The following MYO1D variants were observed in gnomAD, a reference collection of about 807,000 sequenced individuals.
MYO1D encodes the protein unconventional myosin-Id.
MYO1D carries 83 observed loss-of-function variants against 122.0 expected under a neutral mutation model. That is an observed-to-expected ratio of 0.68 (90% CI 0.57 to 0.82). The LOEUF (loss-of-function observed/expected upper bound fraction) is 0.82. MYO1D is among the 40% of genes least tolerant of loss of function. The pLI, the probability that MYO1D is intolerant of heterozygous loss-of-function variation, is 0.00. For missense variants in MYO1D, 1,157 were observed against 1,269.5 expected (o/e 0.91, Z 1.35); for synonymous variants, 464 against 446.9 (o/e 1.04, Z -0.48).
intron 16 of MYO1D, among the ~76,000 whole-genome samples, chr17:32,676,886 C>A (rs2088818391): frequency 2.0e-5 from 3 of 151,846 alleles, no homozygotes; most frequent in Admixed American, 6.6e-5. Flanking sequence ...TCTTGGCTCA[C>A]TGCAAGCTCC....
chr17:32,847,943 C>A (rs796614460), intron 1 of MYO1D, among the ~76,000 whole-genome samples: 1 of 152,298 alleles, frequency 6.6e-6, no homozygotes, highest in African/African-American at 2.4e-5. Context: ...AAAATTAATT[C>A]ACTGCTGAAA....
At chr17:32,681,567 T>C (rs997429727) in intron 16 of MYO1D, among the ~76,000 whole-genome samples, 162 of 152,036 alleles carry the variant, frequency 1.1e-3, no homozygotes, top group African/African-American at 3.8e-3. Flanking sequence ...CGGCTTTGAG[T>C]GGGATTCTTA....
rs376528136 is a variant in MYO1D at position 32,623,187 on chromosome 17, T to C, written c.2709+15535A>G. 3.3e-5 allele frequency among the ~76,000 whole-genome samples: 5 copies of C among 152,324 alleles called. No homozygotes were observed. In the East Asian group the frequency reaches 5.8e-4, roughly 18 times the overall value. ...CAACTTTACTTGTTCCCACTAGATATACCTCTAACCATGGCACACTGTAAA... is the reference window on the plus strand; with the variant it reads ...CAACTTTACTTGTTCCCACTAGATACACCTCTAACCATGGCACACTGTAAA... On this transcript the variant is annotated intron_variant, in intron 20 of 21. Coordinates refer to ENST00000318217, the MANE Select transcript of MYO1D (RefSeq NM_015194.3).
chr17:32,721,277 CAAGTT>C (rs2089507758), intron 14 of MYO1D, 88 bp from the exon 15 acceptor site: 2 of 1,251,122 alleles, frequency 1.6e-6, no homozygotes, highest in South Asian at 2.7e-5. Flanking sequence ...TTAATTGTGT[CAAGTT>C]AAGCTCAGTG....
intron 7 of MYO1D, 124 bp from the exon 8 acceptor site, chr17:32,765,205 A>C: frequency 2.9e-6 from 2 of 701,332 alleles, no homozygotes; most frequent in Non-Finnish European, 4.7e-6. Context: ...TATACATCTC[A>C]ACATATAAAA....
intron 1 of MYO1D, among the ~76,000 whole-genome samples, chr17:32,817,073 T>A (rs528797523): frequency 6.6e-6 from 1 of 152,312 alleles, no homozygotes; most frequent in Non-Finnish European, 1.5e-5. Context: ...ATAGTAATTA[T>A]CTGCTAGCTA....
At position 32,712,180 on chromosome 17, in the gene MYO1D, A is replaced by C; in HGVS notation, c.1929T>G (p.Ser643=). 6.2e-7 allele frequency: 1 copy of C among 1,613,340 alleles called. No individual in the cohort carries two copies. The highest frequency in any genetic ancestry group is 1.1e-5 in the South Asian group (1 of 91,068). ...EKFLHRYKMI[S]EFTWPNHDLP... ...GGTCATGGTTGGGCCAGGTGAATTC[A>C]GAGATCATCTTATACCTGGATGAAA... is the stretch of plus-strand genomic sequence containing the variant. The change falls in exon 16 of 22, where the codon TCT becomes TCG. Residue 643 remains serine (S), a synonymous_variant. Transcript: ENST00000318217.
chr17:32,713,154 T>C (rs938408729), intron 15 of MYO1D, among the ~76,000 whole-genome samples: 2 of 152,206 alleles, frequency 1.3e-5, no homozygotes, highest in African/African-American at 4.8e-5. Context: ...GCATTTATGT[T>C]TTCTTCTAGT....
chr17:32,762,151 C>T (rs2090007989), intron 8 of MYO1D, among the ~76,000 whole-genome samples: 1 of 151,662 alleles, frequency 6.6e-6, no homozygotes. Flanking sequence ...TAAGAGGTAG[C>T]CAAGCAAGAG....
intron 12 of MYO1D, among the ~76,000 whole-genome samples, chr17:32,745,991 G>C (rs527480631): frequency 6.6e-6 from 1 of 152,324 alleles, no homozygotes; most frequent in Admixed American, 6.5e-5. Flanking sequence ...GGGTGATTAA[G>C]ACAGAGGCTA....
intron 19 of MYO1D, among the ~76,000 whole-genome samples, chr17:32,651,674 C>CTTT (rs869114531): frequency 1.9e-4 from 25 of 134,114 alleles, no homozygotes; most frequent in African/African-American, 6.2e-4. Context: ...CTTTTTCCCA[C>CTTT]TTTTTTTTTT....
intron 19 of MYO1D, among the ~76,000 whole-genome samples, chr17:32,639,423 T>C (rs2088160365): frequency 6.7e-6 from 1 of 150,362 alleles, no homozygotes; most frequent in African/African-American, 2.5e-5. Context: ...AATGCTACTT[T>C]ATTAGACAGA....
chr17:32,618,721 G>C (rs573105081), intron 20 of MYO1D, among the ~76,000 whole-genome samples: 20 of 150,396 alleles, frequency 1.3e-4, no homozygotes, highest in African/African-American at 4.9e-4. Context: ...TGCAACCTCC[G>C]ACTCCCGGGT....
At chr17:32,852,871 T>C (rs1225258487) in intron 1 of MYO1D, among the ~76,000 whole-genome samples, 2 of 152,198 alleles carry the variant, frequency 1.3e-5, no homozygotes, top group Non-Finnish European at 2.9e-5. Context: ...ACTGTATACA[T>C]TCTCTAATAA....
At chr17:32,667,300 T>A (rs1010165773) in intron 16 of MYO1D, among the ~76,000 whole-genome samples, 3 of 152,240 alleles carry the variant, frequency 2.0e-5, no homozygotes, top group African/African-American at 7.2e-5. Flanking sequence ...ATTATTCCTC[T>A]TCCATTTCTA....
Position 32,877,050 on chromosome 17 carries a change from T to G in MYO1D, c.-178A>C, listed in dbSNP as rs879588483. ...GGCCGCCTCGCTGCTCCTCGGCGCC[T>G]TCTCGGCCGGCGCGGCTCCGAACGG... On this transcript the variant is annotated 5_prime_UTR_variant, in exon 1 of 22. Transcript: ENST00000318217. 1.7e-5 allele frequency: 4 copies of G among 238,460 alleles called. No individual in the cohort carries two copies. The highest frequency in any genetic ancestry group is 5.7e-5 in the Admixed American group (1 of 17,580). 14.8% of individuals were successfully genotyped at this position (238,460 alleles called of 1,614,324 possible).
intron 21 of MYO1D, among the ~76,000 whole-genome samples, chr17:32,555,832 T>C (rs1286709827): frequency 1.3e-5 from 2 of 152,220 alleles, no homozygotes; most frequent in African/African-American, 4.8e-5. Context: ...AGTTCTTTTC[T>C]GCCTCAGGGC....
intron 21 of MYO1D, among the ~76,000 whole-genome samples, chr17:32,589,804 C>T (rs903555697): frequency 1.3e-5 from 2 of 152,196 alleles, no homozygotes; most frequent in African/African-American, 4.8e-5. Context: ...ATAACAATTT[C>T]AGGGAAGCTA....
chr17:32,657,240 AG>A, intron 17 of MYO1D, among the ~76,000 whole-genome samples: 1 of 152,358 alleles, frequency 6.6e-6, no homozygotes, highest in South Asian at 2.1e-4. Context: ...AACAAACATA[AG>A]AATGTTACAA....
Sources: allele counts gnomAD v4.1 joint callset (sites outside exome capture counted in the v4.1 genomes callset), GRCh38; gene constraint gnomAD v4.1.1; transcripts MANE v1.5; gene names NCBI Gene and HGNC (gene_info 2026-07-23, HGNC 2026-07-21).